ANK3: variants seen among roughly 807,000 people sequenced by gnomAD.
ANK3 encodes the protein ankyrin 3.
A neutral mutation model predicts 370.9 loss-of-function variants in ANK3; 57 were observed. The observed-to-expected ratio is 0.15, with a 90% confidence interval of 0.12 to 0.19. ANK3 has a LOEUF of 0.19. ANK3 is among the 10% of genes least tolerant of loss of function. The pLI, the probability that ANK3 is intolerant of heterozygous loss-of-function variation, is 1.00. For missense variants in ANK3, 4,439 were observed against 5,302.1 expected, an observed-to-expected ratio of 0.84 and a Z score of 5.06; for synonymous variants, 1,929 against 1,946.3, an observed-to-expected ratio of 0.99 and a Z score of 0.23.
rs1220607646 is a variant in ANK3 at position 60,249,101 on chromosome 10, GCTAT to G, written c.798+12754_798+12757del. Among the ~76,000 whole-genome samples, 3 of 152,076 alleles carry G rather than the reference GCTAT, an allele frequency of 2.0e-5. 1 individual carries two copies. The highest frequency in any genetic ancestry group is 7.2e-5 in the African/African-American group (3 of 41,416). On this transcript the variant is annotated intron_variant, in intron 7 of 43. Coordinates refer to ENST00000280772, the MANE Select transcript of ANK3 (RefSeq NM_020987.5). ...ATCAAAGCTCAATCAAAAGTAGCCT[GCTAT>G]CTGTTTTACAGTAAAGAAAGCCCCT...
At chr10:60,526,541 T>A (rs2076475577) in intron 2 of ANK3, among the ~76,000 whole-genome samples, 1 of 152,102 alleles carries the variant, frequency 6.6e-6, no homozygotes, top group Non-Finnish European at 1.5e-5. Flanking sequence ...AGCTCTTTAG[T>A]GTAATACGCT....
intron 1 of ANK3, among the ~76,000 whole-genome samples, chr10:60,617,834 TTC>T (rs1245187562): frequency 6.6e-6 from 1 of 152,202 alleles, no homozygotes; most frequent in Non-Finnish European, 1.5e-5. Context: ...TTTCCTGCAA[TTC>T]TCTCTCTCAT....
In ANK3 at chr10:60,068,773, C is replaced by A; in HGVS notation, c.12108G>T (p.Thr4036=). ...CACCCCGGGAAGTCTCGGACAACGA[C>A]GTGTTTCTTGAGGTACTTTCTTCCT... ...SDEEESTSRN[T]SLSETSRGGQ... Residue 4036 remains threonine, a synonymous_variant, in exon 37 of 44, where the codon ACG becomes ACT. Coordinates refer to ENST00000280772, the MANE Select transcript of ANK3 (RefSeq NM_020987.5). 1 of 1,614,220 alleles carries A rather than the reference C, an allele frequency of 6.2e-7. No individual in the cohort carries two copies. Among genetic ancestry groups the A allele is most frequent in the South Asian group, 1.1e-5 (1 of 91,086 alleles).
intron 1 of ANK3, among the ~76,000 whole-genome samples, chr10:60,334,338 T>C (rs534648161): frequency 6.6e-6 from 1 of 152,292 alleles, no homozygotes; most frequent in East Asian, 1.9e-4. Context: ...TCTATATTAA[T>C]AGCACCCAAA....
chr10:60,258,991 C>T (rs974828858), intron 7 of ANK3, among the ~76,000 whole-genome samples: 1 of 152,148 alleles, frequency 6.6e-6, no homozygotes, highest in Non-Finnish European at 1.5e-5. Context: ...TAATAATGCT[C>T]CCTTTATTGC....
intron 8 of ANK3, among the ~76,000 whole-genome samples, chr10:60,222,893 A>C (rs1263764300): frequency 6.6e-6 from 1 of 152,160 alleles, no homozygotes; most frequent in Non-Finnish European, 1.5e-5. Flanking sequence ...ATTAAATGGA[A>C]TCTTTCTACC....
intron 25 of ANK3, among the ~76,000 whole-genome samples, chr10:60,128,791 TC>T (rs1820889992): frequency 6.6e-6 from 1 of 152,160 alleles, no homozygotes; most frequent in Non-Finnish European, 1.5e-5. Flanking sequence ...TAATAGGAGC[TC>T]AAAATTAGCT....
At chr10:60,402,460 C>T (rs1269680404) in intron 2 of ANK3, among the ~76,000 whole-genome samples, 3 of 152,104 alleles carry the variant, frequency 2.0e-5, no homozygotes, top group African/African-American at 4.8e-5. Context: ...ATGGTGTATA[C>T]ATTTGTAATA....
intron 16 of ANK3, 90 bp downstream of exon 16, chr10:60,196,055 G>C (rs2096581131): frequency 8.9e-7 from 1 of 1,129,152 alleles, no homozygotes; most frequent in African/African-American, 1.5e-5. Flanking sequence ...TAAACTAGGA[G>C]GGTGCTCCTG....
At chr10:60,190,933 T>A (rs1007291284) in intron 16 of ANK3, among the ~76,000 whole-genome samples, 1 of 152,098 alleles carries the variant, frequency 6.6e-6, no homozygotes, top group South Asian at 2.1e-4. Flanking sequence ...AAAAGCCACA[T>A]TCCTCCAGCC....
At chr10:60,494,579 G>A (rs7897838) in intron 2 of ANK3, among the ~76,000 whole-genome samples, 19,576 of 151,952 alleles carry the variant, frequency 0.13, 1,453 homozygotes, top group African/African-American at 0.2. Context: ...TATAGTTTGC[G>A]GTAAATATTT....
chr10:60,672,455 T>C (rs1403871676), intron 1 of ANK3, among the ~76,000 whole-genome samples: 1 of 152,158 alleles, frequency 6.6e-6, no homozygotes, highest in East Asian at 1.9e-4. Context: ...GTCTACATGA[T>C]AAAAACTACA....
chr10:60,592,577 T>G (rs1319846568), intron 2 of ANK3, among the ~76,000 whole-genome samples: 2 of 152,082 alleles, frequency 1.3e-5, no homozygotes, highest in Non-Finnish European at 2.9e-5. Flanking sequence ...CTGGCCAACA[T>G]GGTGAAACCT....
At chr10:60,169,647 C>A (rs117164402) in intron 21 of ANK3, among the ~76,000 whole-genome samples, 1 of 151,974 alleles carries the variant, frequency 6.6e-6, no homozygotes, top group African/African-American at 2.4e-5. Flanking sequence ...TGTTCCACTT[C>A]GAGAGTGAAG....
chr10:60,423,823 T>C (rs1292733958), intron 2 of ANK3, among the ~76,000 whole-genome samples: 3 of 152,080 alleles, frequency 2.0e-5, no homozygotes, highest in Non-Finnish European at 4.4e-5. Flanking sequence ...AATTTGGTAG[T>C]ATCCCTGTGC....
chr10:60,503,400 T>G (rs1465010713), intron 2 of ANK3, among the ~76,000 whole-genome samples: 1 of 152,194 alleles, frequency 6.6e-6, no homozygotes, highest in East Asian at 1.9e-4. Context: ...TTATATGGAT[T>G]GTCTCACTAA....
chr10:60,433,603 C>T (rs2064086544), intron 2 of ANK3, among the ~76,000 whole-genome samples: 1 of 151,418 alleles, frequency 6.6e-6, no homozygotes, highest in Non-Finnish European at 1.5e-5. Flanking sequence ...GACTCTGTCT[C>T]AAAAAGAACG....
intron 23 of ANK3, among the ~76,000 whole-genome samples, chr10:60,157,201 C>A (rs796516227): frequency 6.6e-6 from 1 of 151,966 alleles, no homozygotes; most frequent in Non-Finnish European, 1.5e-5. Flanking sequence ...CCACGCCTGG[C>A]TAATTTTGTA....
At chr10:60,514,442 G>A (rs1393710738) in intron 2 of ANK3, among the ~76,000 whole-genome samples, 1 of 152,082 alleles carries the variant, frequency 6.6e-6, no homozygotes, top group Non-Finnish European at 1.5e-5. Flanking sequence ...AGTTCACCTG[G>A]TTGATTATTG....
Sources: gnomAD v4.1 joint callset for allele counts (sites outside exome capture counted in the v4.1 genomes callset) on GRCh38, gnomAD v4.1.1 for gene constraint, MANE v1.5 for transcripts, NCBI Gene and HGNC (gene_info 2026-07-23, HGNC 2026-07-21) for gene names.